The following RBM6 variants were observed in gnomAD, a reference collection of about 807,000 sequenced individuals.
RBM6 encodes RNA-binding protein 6.
RBM6 carries 23 observed loss-of-function variants against 140.4 expected under a neutral mutation model. That is an observed-to-expected ratio of 0.16 (90% CI 0.12 to 0.23). The LOEUF is 0.23. Ranked by LOEUF, RBM6 falls within the 10% of genes least tolerant of loss-of-function variation. RBM6 has a pLI of 1.00. For synonymous variants in RBM6, 439 were observed against 475.6 expected, an observed-to-expected ratio of 0.92 and a Z score of 1.00; for missense variants, 1,139 against 1,386.7, an observed-to-expected ratio of 0.82 and a Z score of 2.84.
intron 3 of RBM6, 22 bp downstream of exon 3, chr3:49,968,770 CTTTTTTTTT>C (rs569224640): frequency 0.015 from 10,297 of 698,784 alleles, 116 homozygotes; most frequent in African/African-American, 0.032. Context: ...GGGTGGATTG[CTTTTTTTTT>C]TTTTTTTTTT....
At chr3:50,015,063 A>T (rs1211286288) in intron 6 of RBM6, among the ~76,000 whole-genome samples, 1 of 151,200 alleles carries the variant, frequency 6.6e-6, no homozygotes, top group Non-Finnish European at 1.5e-5. Flanking sequence ...AAAAAAAAAA[A>T]AAAAAAAAGT....
intron 18 of RBM6, among the ~76,000 whole-genome samples, 156 bp downstream of exon 18, chr3:50,068,920 C>A (rs2090201590): frequency 6.6e-6 from 1 of 152,180 alleles, no homozygotes; most frequent in South Asian, 2.1e-4. Context: ...ATAATACAAT[C>A]AAAATAGGTG....
chr3:49,975,467 A>T lies in RBM6; in HGVS notation c.1483+75A>T. On this transcript the variant is annotated intron_variant, in intron 5 of 20. Transcript: ENST00000266022. Reference sequence around the variant, plus strand: ...AGATCTCTGCATCATGTGCTACTTAAAATTTGTTTCAAGAAACCACAATTA... The same window carrying T: ...AGATCTCTGCATCATGTGCTACTTATAATTTGTTTCAAGAAACCACAATTA... 3 of 1,280,742 alleles carry T rather than the reference A, an allele frequency of 2.3e-6. 1 individual carries two copies. Among genetic ancestry groups the T allele is most frequent in the Non-Finnish European group, 3.3e-6 (3 of 901,280 alleles). 79.3% of individuals were successfully genotyped at this position (1,280,742 alleles called of 1,614,324 possible).
At chr3:50,076,378 C>T (rs999231906) in intron 20 of RBM6, among the ~76,000 whole-genome samples, 3 of 151,170 alleles carry the variant, frequency 2.0e-5, no homozygotes, top group Non-Finnish European at 3.0e-5. Flanking sequence ...GTCAGGAGTT[C>T]GAGACCAGCC....
intron 6 of RBM6, among the ~76,000 whole-genome samples, chr3:50,016,762 C>T (rs2087172215): frequency 6.6e-6 from 1 of 151,416 alleles, no homozygotes; most frequent in African/African-American, 2.4e-5. Context: ...CCTTAACTTC[C>T]TGCACTCAAG....
At chr3:49,990,137 C>A (rs2085754099) in intron 5 of RBM6, among the ~76,000 whole-genome samples, 1 of 152,122 alleles carries the variant, frequency 6.6e-6, no homozygotes, top group Non-Finnish European at 1.5e-5. Context: ...TAAATACAGT[C>A]ATGCATTGCA....
At chr3:49,961,398 G>T (rs1469446683) in intron 1 of RBM6, among the ~76,000 whole-genome samples, 1 of 152,128 alleles carries the variant, frequency 6.6e-6, no homozygotes, top group African/African-American at 2.4e-5. Flanking sequence ...GCCCAGGCTG[G>T]TCTCAAACTC....
At chr3:50,006,541 A>G (rs1417033714) in intron 6 of RBM6, among the ~76,000 whole-genome samples, 1 of 152,098 alleles carries the variant, frequency 6.6e-6, no homozygotes, top group African/African-American at 2.4e-5. Context: ...ATCACTTTCT[A>G]AGGTGTACTT....
intron 7 of RBM6, 73 bp downstream of exon 7, chr3:50,048,392 T>C: frequency 1.3e-6 from 2 of 1,557,848 alleles, no homozygotes; most frequent in Non-Finnish European, 1.7e-6. Context: ...CTAGGAAGGC[T>C]GCCTGCTAAC....
chr3:49,966,185 G>A (rs1167747370), intron 2 of RBM6, among the ~76,000 whole-genome samples: 1 of 152,244 alleles, frequency 6.6e-6, no homozygotes, highest in Non-Finnish European at 1.5e-5. Flanking sequence ...CTTGAACTGA[G>A]TGACCCAGAA....
chr3:50,065,892 C>T (rs763832141), intron 16 of RBM6, among the ~76,000 whole-genome samples: 42 of 152,178 alleles, frequency 2.8e-4, no homozygotes, highest in Non-Finnish European at 4.9e-4. Flanking sequence ...TAATGAAAGT[C>T]ATCTTTTCTT....
chr3:49,948,714 A>G (rs893329539), intron 1 of RBM6, among the ~76,000 whole-genome samples: 1 of 149,702 alleles, frequency 6.7e-6, no homozygotes, highest in African/African-American at 2.5e-5. Context: ...CTGTCTCAAA[A>G]AAGAAAAAAA....
At chr3:49,942,345 C>T (rs1309311147) in intron 1 of RBM6, among the ~76,000 whole-genome samples, 2 of 150,866 alleles carry the variant, frequency 1.3e-5, no homozygotes, top group East Asian at 2.0e-4. Context: ...AAAAATGAGC[C>T]GTGCGTGGTG....
chr3:49,982,571 C>T (rs960086669), intron 5 of RBM6, among the ~76,000 whole-genome samples: 6 of 151,844 alleles, frequency 4.0e-5, no homozygotes, highest in East Asian at 1.9e-4. Context: ...CCCGCCACCA[C>T]GCCCAGCTAA....
At chr3:49,962,398 C>G (rs2084323774) in intron 1 of RBM6, among the ~76,000 whole-genome samples, 178 bp from the exon 2 acceptor site, 1 of 151,386 alleles carries the variant, frequency 6.6e-6, no homozygotes. Context: ...TGCCTTTGCA[C>G]TCCAGCCTGG....
At chr3:50,073,858 T>TC (rs397959163) in intron 19 of RBM6, among the ~76,000 whole-genome samples, 5 of 151,170 alleles carry the variant, frequency 3.3e-5, no homozygotes, top group Admixed American at 2.6e-4. Context: ...TTTTTTTTTT[T>TC]CCTTTTGTTT....
intron 6 of RBM6, among the ~76,000 whole-genome samples, chr3:50,029,402 CAA>C (rs895339977): frequency 3.3e-5 from 5 of 152,148 alleles, no homozygotes; most frequent in African/African-American, 1.2e-4. Flanking sequence ...GGGGAAGGTA[CAA>C]GAGAGAGGGC....
chr3:50,050,975 A>G (rs986848787), intron 7 of RBM6, among the ~76,000 whole-genome samples: 1 of 151,996 alleles, frequency 6.6e-6, no homozygotes, highest in African/African-American at 2.4e-5. Flanking sequence ...CCCTTATCAG[A>G]TATATGATTT....
At chr3:49,983,530 G>GA (rs2085406993) in intron 5 of RBM6, among the ~76,000 whole-genome samples, 1 of 151,960 alleles carries the variant, frequency 6.6e-6, no homozygotes, top group South Asian at 2.1e-4. Flanking sequence ...ACATCATTTA[G>GA]AAAAAAAATT....
Sources: allele counts gnomAD v4.1 joint callset (sites outside exome capture counted in the v4.1 genomes callset), GRCh38; gene constraint gnomAD v4.1.1; transcripts MANE v1.5; gene names NCBI Gene and HGNC (gene_info 2026-07-23, HGNC 2026-07-21).